The following CPLX1 variants were observed in gnomAD, a reference collection of about 807,000 sequenced individuals.
CPLX1 encodes complexin 1.
Under a neutral mutation model 15.6 loss-of-function variants are expected in CPLX1, and 6 were observed. That is an observed-to-expected ratio of 0.39 (90% confidence interval 0.21 to 0.76). The LOEUF (loss-of-function observed/expected upper bound fraction) is 0.76, where lower values mean the gene tolerates loss of function less well. CPLX1 is among the 30% of genes least tolerant of loss of function. The probability of loss-of-function intolerance (pLI) is 0.43; values close to 1 mark genes in which losing one functional copy is unlikely to be tolerated. For synonymous variants in CPLX1, 91 were observed against 75.2 expected (o/e 1.21, Z -1.08); for missense variants, 242 against 188.6 (o/e 1.28, Z -1.66).
Position 824,598 on chromosome 4 carries a change from C to G in CPLX1, c.-76G>C. On this transcript the variant is annotated 5_prime_UTR_variant, in exon 2 of 4. Coordinates refer to ENST00000304062, the MANE Select transcript of CPLX1 (RefSeq NM_006651.4). ...GCAAGTATGGCCGGGAGCGAGTGTT[C>G]TTCCTGGGGGAGAGTGAAGTGGTCA... 6.6e-7 allele frequency: 1 copy of G among 1,520,244 alleles called. No individual in the cohort carries two copies. The allele number at this position is 1,520,244 out of a possible 1,614,324, so 94.2% of individuals were successfully genotyped here. A position where few individuals can be genotyped will look rare whatever the true frequency, so the allele number is the denominator to read the frequency against.
chr4:791,565 T>C (rs1359749701), intron 3 of CPLX1, among the ~76,000 whole-genome samples: 1 of 152,092 alleles, frequency 6.6e-6, no homozygotes, highest in Non-Finnish European at 1.5e-5. Flanking sequence ...GGAAACGGCT[T>C]CTCCACCTGC....
chr4:790,388 T>C (rs62294129), intron 3 of CPLX1, among the ~76,000 whole-genome samples: 12,703 of 152,228 alleles, frequency 0.083, 605 homozygotes, highest in South Asian at 0.14. Flanking sequence ...CGGCGAGCCC[T>C]GCACCCCAGC....
chr4:804,851 C>T, intron 2 of CPLX1: 7 of 974,550 alleles, frequency 7.2e-6, no homozygotes, highest in African/African-American at 1.8e-5. Flanking sequence ...ACGTGCTCAG[C>T]CTCCACGGGA....
intron 3 of CPLX1, chr4:787,331 C>A: frequency 5.1e-6 from 5 of 985,456 alleles, no homozygotes; most frequent in Non-Finnish European, 6.0e-6. Context: ...CTCACCGACC[C>A]CCTGCCCACC....
chr4:803,292 G>A (rs1045747062), intron 2 of CPLX1, among the ~76,000 whole-genome samples: 1 of 152,238 alleles, frequency 6.6e-6, no homozygotes, highest in Non-Finnish European at 1.5e-5. Context: ...GAAAAGATAA[G>A]ACACAGTCAT....
At chr4:814,359 C>T in intron 2 of CPLX1, among the ~76,000 whole-genome samples, 1 of 152,170 alleles carries the variant, frequency 6.6e-6, no homozygotes, top group African/African-American at 2.4e-5. Context: ...ACTACAGGTG[C>T]CTGCCACCAC....
chr4:822,174 ATC>A lies in CPLX1; in HGVS notation c.31+2316_31+2317del, dbSNP rs534094025. 3.6e-4 allele frequency among the ~76,000 whole-genome samples: 47 copies of A among 130,388 alleles called. No homozygotes were observed. The East Asian group carries it at 5.2e-3, about 14-fold the overall frequency. 85.5% of individuals were successfully genotyped at this position (130,388 alleles called of 152,430 possible). A position where few individuals can be genotyped will look rare whatever the true frequency, so the allele number is the denominator to read the frequency against. Reference sequence around the variant, plus strand: ...TGTTTCTGATTCTCCGTCTCTCCCCATCTCTGTCTCTCCCTCTGTCTCTGTCT... The same window carrying A: ...TGTTTCTGATTCTCCGTCTCTCCCCATCTGTCTCTCCCTCTGTCTCTGTCT... On this transcript the variant is annotated intron_variant, in intron 2 of 3. Transcript: ENST00000304062.
At chr4:799,762 C>A (rs1746415287) in intron 2 of CPLX1, among the ~76,000 whole-genome samples, 1 of 152,166 alleles carries the variant, frequency 6.6e-6, no homozygotes, top group Non-Finnish European at 1.5e-5. Context: ...ACTCAGTAGG[C>A]TGAGGCACAA....
intron 2 of CPLX1, among the ~76,000 whole-genome samples, chr4:798,428 C>A (rs1374436028): frequency 1.3e-5 from 2 of 152,148 alleles, no homozygotes; most frequent in African/African-American, 4.8e-5. Context: ...GTTTTCTTTT[C>A]TTAGACAGGG....
rs2306250 is a variant in CPLX1 at position 792,720 on chromosome 4, T to C, written c.32-112A>G. The C allele has an allele frequency of 0.61, 705,063 of 1,159,714 alleles. 218,567 individuals are homozygous for C. Among genetic ancestry groups the C allele is most frequent in the Middle Eastern group, 0.74 (2,543 of 3,442 alleles). 71.8% of individuals were successfully genotyped at this position (1,159,714 alleles called of 1,614,324 possible). On this transcript the variant is annotated intron_variant, in intron 2 of 3. Transcript: ENST00000304062. ...CCGACCCCCCAAACCCTCCATCCAC[T>C]CGACCCTCTGGCTGCCCCCACCACC...
rs550366569 is a variant in CPLX1 at position 795,747 on chromosome 4, C to T, written c.32-3139G>A. On this transcript the variant is annotated intron_variant, in intron 2 of 3. Coordinates refer to ENST00000304062, the MANE Select transcript of CPLX1 (RefSeq NM_006651.4). ...AAACCCTCTGGGGAGGGAGTTCAGT[C>T]CCAGCGGGAGGGGCCCTTCCCACCC... is the stretch of plus-strand genomic sequence containing the variant. 1.4e-4 allele frequency among the ~76,000 whole-genome samples: 22 copies of T among 152,014 alleles called. No individual in the cohort carries two copies. In the South Asian group the frequency reaches 4.6e-3, roughly 32 times the overall value.
rs1303644280 is a variant in CPLX1 at position 785,181 on chromosome 4, G to C, written c.*1320C>G. On this transcript the variant is annotated 3_prime_UTR_variant, in exon 4 of 4. Coordinates refer to ENST00000304062, the MANE Select transcript of CPLX1 (RefSeq NM_006651.4). ...GGCTTTGTAAGGTGTGAAAACAGGA[G>C]TTTTTAAAAGACACGACCCGGGAGA... The C allele has an allele frequency of 6.6e-6, 1 of 152,368 alleles. No individual in the cohort carries two copies. The highest frequency in any genetic ancestry group is 1.5e-5 in the Non-Finnish European group (1 of 68,058). The allele number at this position is 152,368 out of a possible 1,614,324, so 9.4% of individuals were successfully genotyped here. A position where few individuals can be genotyped will look rare whatever the true frequency, so the allele number is the denominator to read the frequency against.
At chr4:820,808 C>T (rs1178167495) in intron 2 of CPLX1, among the ~76,000 whole-genome samples, 1 of 104,500 alleles carries the variant, frequency 9.6e-6, no homozygotes, top group Non-Finnish European at 2.2e-5. Flanking sequence ...GTGGACACCC[C>T]TCACCAGCCT....
chr4:813,294 A>G (rs973288972), intron 2 of CPLX1, among the ~76,000 whole-genome samples: 5 of 151,710 alleles, frequency 3.3e-5, no homozygotes, highest in Non-Finnish European at 2.9e-5. Flanking sequence ...GAGAAAGTGA[A>G]TAGTATAATT....
chr4:802,289 G>C (rs1366856481), intron 2 of CPLX1, among the ~76,000 whole-genome samples: 2 of 152,194 alleles, frequency 1.3e-5, no homozygotes, highest in African/African-American at 4.8e-5. Context: ...GAGTGTAAAA[G>C]GCCAGATACA....
At chr4:820,580 G>A (rs960369985) in intron 2 of CPLX1, among the ~76,000 whole-genome samples, 2 of 152,174 alleles carry the variant, frequency 1.3e-5, no homozygotes, top group Non-Finnish European at 2.9e-5. Flanking sequence ...CCACTTTGGT[G>A]CCGGGAAGGA....
intron 1 of CPLX1, among the ~76,000 whole-genome samples, chr4:825,598 G>A (rs1470608300): frequency 2.6e-5 from 4 of 152,058 alleles, no homozygotes; most frequent in Non-Finnish European, 4.4e-5. Flanking sequence ...AGCGCGCCAG[G>A]AGAGGAAAGA....
intron 2 of CPLX1, chr4:804,796 G>T (rs1161922472): frequency 1.2e-5 from 12 of 985,402 alleles, no homozygotes; most frequent in Non-Finnish European, 1.4e-5. Flanking sequence ...TCCCAGAGAC[G>T]GCTCTGGCGG....
chr4:787,844 A>G (rs1191470537), intron 3 of CPLX1: 2 of 985,400 alleles, frequency 2.0e-6, no homozygotes, highest in Non-Finnish European at 2.4e-6. Context: ...GAACTACGGA[A>G]CAGCCTCCTG....
Sources: gnomAD v4.1 joint callset for allele counts (sites outside exome capture counted in the v4.1 genomes callset) on GRCh38, gnomAD v4.1.1 for gene constraint, MANE v1.5 for transcripts, NCBI Gene and HGNC (gene_info 2026-07-23, HGNC 2026-07-21) for gene names.